Variants in ATPAF1 observed in about 807,000 individuals in gnomAD.
The protein encoded by ATPAF1 is ATP synthase mitochondrial F1 complex assembly factor 1.
In ATPAF1, 26 loss-of-function variants were observed where a neutral mutation model predicts 43.9. The observed-to-expected ratio is 0.59, with a 90% confidence interval of 0.43 to 0.82. ATPAF1 has a LOEUF of 0.82. ATPAF1 is among the 40% of genes least tolerant of loss of function. The probability of loss-of-function intolerance (pLI) is 0.00; values close to 1 mark genes in which losing one functional copy is unlikely to be tolerated. For synonymous variants in ATPAF1, 157 were observed against 168.0 expected, an observed-to-expected ratio of 0.93 and a Z score of 0.50; for missense variants, 366 against 435.0, an observed-to-expected ratio of 0.84 and a Z score of 1.41.
intron 5 of ATPAF1, 100 bp from the exon 6 acceptor site, chr1:46,652,728 C>G: frequency 1.0e-6 from 1 of 980,996 alleles, no homozygotes; most frequent in East Asian, 2.6e-5. Flanking sequence ...AATTATAATA[C>G]AACTAAAACA....
chr1:46,638,577 C>T (rs893600977), intron 8 of ATPAF1, among the ~76,000 whole-genome samples: 1 of 151,110 alleles, frequency 6.6e-6, no homozygotes. Flanking sequence ...AGCCGAGATC[C>T]AGCCACTGCA....
intron 8 of ATPAF1, among the ~76,000 whole-genome samples, chr1:46,638,516 G>C (rs534071785): frequency 6.6e-6 from 1 of 152,072 alleles, no homozygotes; most frequent in Admixed American, 6.5e-5. Context: ...CAGCTACTCG[G>C]GAGGCTGAGG....
chr1:46,640,698 G>A (rs1264781974), intron 8 of ATPAF1, among the ~76,000 whole-genome samples: 1 of 152,206 alleles, frequency 6.6e-6, no homozygotes, highest in African/African-American at 2.4e-5. Context: ...TAAAGAGGTA[G>A]AAAACATTCT....
chr1:46,654,683 C>G (rs1309215977), intron 4 of ATPAF1, among the ~76,000 whole-genome samples: 1 of 151,922 alleles, frequency 6.6e-6, no homozygotes, highest in African/African-American at 2.4e-5. Flanking sequence ...AATGATATCC[C>G]TCCCCCAGCC....
intron 4 of ATPAF1, among the ~76,000 whole-genome samples, chr1:46,657,269 C>T (rs960248833): frequency 6.6e-6 from 1 of 152,022 alleles, no homozygotes; most frequent in Non-Finnish European, 1.5e-5. Context: ...ATGTATAATT[C>T]ATGGAACTAT....
chr1:46,663,229 G>A (rs1426711577), intron 2 of ATPAF1, among the ~76,000 whole-genome samples: 2 of 152,164 alleles, frequency 1.3e-5, no homozygotes, highest in Non-Finnish European at 2.9e-5. Flanking sequence ...TGTGAATAGT[G>A]CCGCAATAAA....
chr1:46,652,990 C>T (rs599869), intron 5 of ATPAF1, among the ~76,000 whole-genome samples: 2,071 of 151,836 alleles, frequency 0.014, 46 homozygotes, highest in African/African-American at 0.048. Flanking sequence ...CTTCTTCTGG[C>T]TGTTGAATTC....
At chr1:46,668,535 G>A (rs1021140022), upstream of ATPAF1, 6 of 511,442 alleles carry the variant, frequency 1.2e-5, no homozygotes, top group East Asian at 4.5e-4. The surrounding 1 kb of genome is among the most constrained non-coding windows in gnomAD (Gnocchi z 4.4). Flanking sequence ...GCCGCCCTGT[G>A]TATGCCACGG....
chr1:46,664,435 C>A (rs689300), intron 2 of ATPAF1: 21,325 of 152,478 alleles, frequency 0.14, 3,823 homozygotes, highest in African/African-American at 0.4. Flanking sequence ...TCCTTGGCAT[C>A]TGGCCCCAGA....
At position 46,668,045 on chromosome 1, in the gene ATPAF1, C is replaced by G; in HGVS notation, c.266+12G>C. 1 of 1,383,252 alleles carries G rather than the reference C, an allele frequency of 7.2e-7. No homozygotes were observed. The highest frequency in any genetic ancestry group is 1.7e-5 in the South Asian group (1 of 58,168). The allele number at this position is 1,383,252 out of a possible 1,614,324, so 85.7% of individuals were successfully genotyped here. On this transcript the variant is annotated intron_variant, in intron 1 of 8. Transcript: ENST00000574428. The surrounding 1 kb of genome is among the most constrained non-coding windows in gnomAD (Gnocchi z 4.4). ...CGCCTCCTGCCCGCCTCCAGCCAAC[C>G]CAGGCCCGCACCTGCGCAGCAGCTG... is the stretch of plus-strand genomic sequence containing the variant.
At chr1:46,665,015 C>T in intron 2 of ATPAF1, 1 of 483,088 alleles carries the variant, frequency 2.1e-6, no homozygotes, top group Non-Finnish European at 3.7e-6. Flanking sequence ...GCCTTGACCA[C>T]CAGACTGCTC....
Position 46,668,229 on chromosome 1 carries a change from G to T in ATPAF1, c.94C>A (p.Arg32Ser). Residue 32 changes from arginine (R) to serine (S), a missense_variant, in exon 1 of 9, where the codon CGC becomes AGC. Transcript: ENST00000574428. The surrounding 1 kb of genome is among the most constrained non-coding windows in gnomAD (Gnocchi z 4.4). ...GACACGAGCCCCAGGCCCAGGGCGCGGCTGCGCACCGCGCACAGGCCCCGG... is the reference window on the plus strand; with the variant it reads ...GACACGAGCCCCAGGCCCAGGGCGCTGCTGCGCACCGCGCACAGGCCCCGG... The T allele has an allele frequency of 1.5e-6, 2 of 1,365,680 alleles. No individual in the cohort carries two copies. The highest frequency in any genetic ancestry group is 1.9e-6 in the Non-Finnish European group (2 of 1,058,804). 84.6% of individuals were successfully genotyped at this position (1,365,680 alleles called of 1,614,324 possible).
chr1:46,654,528 T>TTTTTTATTA (rs1553218332), intron 4 of ATPAF1, among the ~76,000 whole-genome samples: 47 of 135,264 alleles, frequency 3.5e-4, no homozygotes, highest in Admixed American at 3.0e-3. Context: ...TATTTATTTA[T>TTTTTTATTA]TTATTATTAT....
At chr1:46,667,088 A>G (rs780222120) in intron 1 of ATPAF1, among the ~76,000 whole-genome samples, 3 of 152,226 alleles carry the variant, frequency 2.0e-5, no homozygotes, top group Non-Finnish European at 4.4e-5. Flanking sequence ...CATTTACTGC[A>G]TAACTGTTTC....
rs1021318488 is a variant in ATPAF1, at chr1:46,641,924, A to C, written c.792+1270T>G. On this transcript the variant is annotated intron_variant, in intron 8 of 8. Coordinates refer to ENST00000574428, the Ensembl canonical transcript of ATPAF1. ...TTTAAGTACAATCTGTATGCTGACAACTCCCATATTTATATCTCCAGCCTG... is the reference window on the plus strand; with the variant it reads ...TTTAAGTACAATCTGTATGCTGACACCTCCCATATTTATATCTCCAGCCTG... 2.0e-5 allele frequency among the ~76,000 whole-genome samples: 3 copies of C among 151,494 alleles called. No individual in the cohort carries two copies. The South Asian group carries it at 6.3e-4, about 32-fold the overall frequency.
rs1490140818 is a variant in ATPAF1, at chr1:46,668,120, T to C, written c.203A>G (p.Glu68Gly). 1.4e-6 allele frequency: 2 copies of C among 1,436,806 alleles called. No homozygotes were observed. Among genetic ancestry groups the C allele is most frequent in the African/African-American group, 1.5e-5 (1 of 66,984 alleles). 89.0% of individuals were successfully genotyped at this position (1,436,806 alleles called of 1,614,324 possible). A position where few individuals can be genotyped will look rare whatever the true frequency, so the allele number is the denominator to read the frequency against. The change falls in exon 1 of 9, where the codon GAG becomes GGG. Residue 68 changes from glutamate (E) to glycine (G), a missense_variant. Physicochemically the swap from Glu to Gly is moderately conservative, Grantham distance 98. Around this residue, in one of 2 missense-constraint regions of ATPAF1, gnomAD observed 186 missense variants for 168.5 expected, o/e 1.10. Coordinates refer to ENST00000574428, the Ensembl canonical transcript of ATPAF1. This position sits in a 1 kb window ranked among gnomAD's most constrained non-coding sequence, Gnocchi z 4.4. ...GAAAGGGTTGGCCTGGAGCTCGGCC[T>C]CGGCCCCGACCCCGCTGCTGTCGGC...
At chr1:46,665,557 T>C in intron 1 of ATPAF1, 193 bp from the exon 2 acceptor site, 1 of 1,218,592 alleles carries the variant, frequency 8.2e-7, no homozygotes, top group South Asian at 1.4e-5. Flanking sequence ...GTTATTCAAC[T>C]GTTGTTAATC....
chr1:46,657,528 T>C (rs1352968949), intron 4 of ATPAF1, among the ~76,000 whole-genome samples: 1 of 152,184 alleles, frequency 6.6e-6, no homozygotes, highest in Non-Finnish European at 1.5e-5. Context: ...ATATAGCACT[T>C]ACTCTATGCC....
chr1:46,647,022 A>G (rs1319340826), intron 6 of ATPAF1, among the ~76,000 whole-genome samples: 3 of 152,178 alleles, frequency 2.0e-5, no homozygotes, highest in African/African-American at 7.2e-5. Flanking sequence ...AACAAGAGTG[A>G]CTTTATTTTA....
Sources: allele counts gnomAD v4.1 joint callset (sites outside exome capture counted in the v4.1 genomes callset), GRCh38; gene constraint gnomAD v4.1.1; regional missense constraint gnomAD v4.1.1; non-coding constraint Gnocchi (gnomAD v3.1); transcripts MANE v1.5; gene names NCBI Gene and HGNC (gene_info 2026-07-23, HGNC 2026-07-21).